The following PVT1 variants were observed in gnomAD, a reference collection of about 807,000 sequenced individuals.
PVT1 encodes the protein CXCR4/PVT1 fusion.
intron 4 of PVT1, among the ~76,000 whole-genome samples, chr8:128,001,825 C>G (rs145898289): frequency 6.6e-5 from 10 of 152,174 alleles, no homozygotes; most frequent in African/African-American, 2.4e-4. Flanking sequence ...ACCGCGTCCT[C>G]ACATGGAGGA....
intron 2 of PVT1, among the ~76,000 whole-genome samples, chr8:127,837,881 G>C (rs965620322): frequency 1.3e-5 from 2 of 151,970 alleles, no homozygotes; most frequent in Admixed American, 1.3e-4. Context: ...AGCTCTAAAG[G>C]GGTGTGATTA....
At chr8:128,005,462 G>C (rs1195407697) in intron 4 of PVT1, among the ~76,000 whole-genome samples, 1 of 152,198 alleles carries the variant, frequency 6.6e-6, no homozygotes, top group African/African-American at 2.4e-5. Flanking sequence ...TTTCTAAATA[G>C]CAAACCTCTC....
At chr8:127,866,040 C>G (rs955123160) in intron 2 of PVT1, among the ~76,000 whole-genome samples, 3 of 152,210 alleles carry the variant, frequency 2.0e-5, no homozygotes, top group Non-Finnish European at 1.5e-5. Flanking sequence ...CTCCCTCTGA[C>G]AGCGCAGCCC....
chr8:127,862,950 G>T (rs1353724318), intron 2 of PVT1, among the ~76,000 whole-genome samples: 1 of 152,096 alleles, frequency 6.6e-6, no homozygotes, highest in Non-Finnish European at 1.5e-5. Flanking sequence ...TAGGCATCCT[G>T]TCCCTGGATT....
At chr8:127,968,086 T>C (rs1586459996) in intron 3 of PVT1, among the ~76,000 whole-genome samples, 1 of 152,198 alleles carries the variant, frequency 6.6e-6, no homozygotes, top group Middle Eastern at 3.2e-3. Context: ...TTATGGAAGG[T>C]CTGCCTGGCT....
At chr8:127,964,281 G>A (rs1816679976) in intron 3 of PVT1, among the ~76,000 whole-genome samples, 3 of 152,226 alleles carry the variant, frequency 2.0e-5, no homozygotes, top group Admixed American at 6.5e-5. Context: ...AGAGTGGGAG[G>A]CCATTAGCTC....
intron 3 of PVT1, among the ~76,000 whole-genome samples, chr8:127,903,958 G>GA (rs1815790567): frequency 6.6e-6 from 1 of 152,180 alleles, no homozygotes; most frequent in Admixed American, 6.5e-5. Flanking sequence ...CTACTTCTGT[G>GA]AAAAATGATG....
intron 3 of PVT1, among the ~76,000 whole-genome samples, chr8:127,908,417 C>A (rs1167533949): frequency 6.6e-6 from 1 of 151,284 alleles, no homozygotes; most frequent in African/African-American, 2.4e-5. Context: ...TATTGACTCG[C>A]TGCAACCTCC....
intron 3 of PVT1, among the ~76,000 whole-genome samples, chr8:127,911,407 TC>T (rs1292584493): frequency 1.3e-5 from 2 of 152,186 alleles, no homozygotes; most frequent in Non-Finnish European, 2.9e-5. Context: ...TGGCCGCCGG[TC>T]CCCGGCTGCC....
At chr8:127,834,717 C>T (rs1814889936) in intron 2 of PVT1, among the ~76,000 whole-genome samples, 1 of 151,998 alleles carries the variant, frequency 6.6e-6, no homozygotes, top group Non-Finnish European at 1.5e-5. Flanking sequence ...CTTAAATTTA[C>T]AGGGGAAAAA....
At chr8:128,100,515 C>A (rs1814491004) in intron 6 of PVT1, among the ~76,000 whole-genome samples, 1 of 152,116 alleles carries the variant, frequency 6.6e-6, no homozygotes, top group South Asian at 2.1e-4. Flanking sequence ...ACAGTCAAGC[C>A]CAGACCTAAA....
At chr8:128,067,293 G>A (rs2130130114) in intron 4 of PVT1, among the ~76,000 whole-genome samples, 1 of 152,312 alleles carries the variant, frequency 6.6e-6, no homozygotes, top group African/African-American at 2.4e-5. Flanking sequence ...TTTTTAAAGA[G>A]TTGATTGGAT....
rs541732576 is a variant in PVT1 at position 128,092,642 on chromosome 8, G to A, written n.1115-3876G>A. Among the ~76,000 whole-genome samples, 13 of 152,204 alleles carry A rather than the reference G, an allele frequency of 8.5e-5. No individual in the cohort carries two copies. The South Asian group carries it at 1.9e-3, about 22-fold the overall frequency. On this transcript the variant is annotated intron_variant and non_coding_transcript_variant, in intron 5 of 10. Transcript: ENST00000651587. ...AATTGAGCCCAGGTTGAATTATGAC[G>A]TTCACAGGTAAGAAGCAGGGTTCAG...
chr8:128,022,911 G>T (rs1460145392), intron 4 of PVT1, among the ~76,000 whole-genome samples: 3 of 149,458 alleles, frequency 2.0e-5, no homozygotes, highest in African/African-American at 4.9e-5. Context: ...CTGTGGCCCA[G>T]GCTGGAGTGC....
intron 4 of PVT1, among the ~76,000 whole-genome samples, chr8:128,068,935 T>A (rs1813947262): frequency 1.3e-5 from 2 of 152,238 alleles, no homozygotes; most frequent in Admixed American, 1.3e-4. Context: ...TTTGGGAAGT[T>A]TATTTAGAAG....
At chr8:127,946,781 G>T (rs1385344204) in intron 3 of PVT1, 4 of 154,018 alleles carry the variant, frequency 2.6e-5, no homozygotes, top group Non-Finnish European at 4.4e-5. Context: ...GGTGTCACTT[G>T]TTGGAATTCC....
intron 3 of PVT1, among the ~76,000 whole-genome samples, chr8:127,911,102 G>A (rs1225049360): frequency 6.6e-6 from 1 of 152,166 alleles, no homozygotes; most frequent in African/African-American, 2.4e-5. Flanking sequence ...TGGACCTATA[G>A]ACTTCCACCT....
At chr8:127,854,086 C>G (rs902838055) in intron 2 of PVT1, among the ~76,000 whole-genome samples, 2 of 152,248 alleles carry the variant, frequency 1.3e-5, no homozygotes, top group African/African-American at 4.8e-5. Context: ...GCCCACCCTC[C>G]TCCGATCTAG....
intron 2 of PVT1, among the ~76,000 whole-genome samples, chr8:127,885,013 C>G (rs542008195): frequency 2.1e-4 from 32 of 152,188 alleles, no homozygotes; most frequent in Non-Finnish European, 4.3e-4. Flanking sequence ...GACTGTGTCC[C>G]CTGTTCACTC....
Sources: gnomAD v4.1 joint callset for allele counts (sites outside exome capture counted in the v4.1 genomes callset) on GRCh38, gnomAD v4.1.1 for gene constraint, MANE v1.5 for transcripts, NCBI Gene and HGNC (gene_info 2026-07-23, HGNC 2026-07-21) for gene names.